Variants in NDC1 observed in about 807,000 individuals in gnomAD.
NDC1 encodes the protein NDC1 transmembrane nucleoporin, also known as nucleoporin NDC1.
NDC1 carries 24 observed loss-of-function variants against 89.8 expected under a neutral mutation model. That is an observed-to-expected ratio of 0.27 (90% confidence interval 0.19 to 0.38). The LOEUF (loss-of-function observed/expected upper bound fraction) is 0.38, where lower values mean the gene tolerates loss of function less well. Among genes scored for constraint, NDC1 ranks in the 10% least tolerant of loss-of-function variants. The probability of loss-of-function intolerance (pLI) is 1.00; values close to 1 mark genes in which losing one functional copy is unlikely to be tolerated. For synonymous variants in NDC1, 296 were observed against 284.8 expected, an observed-to-expected ratio of 1.04 and a Z score of -0.39; for missense variants, 728 against 797.6, an observed-to-expected ratio of 0.91 and a Z score of 1.05.
At chr1:53,830,937 A>C (rs1227786335) in intron 3 of NDC1, among the ~76,000 whole-genome samples, 2 of 148,454 alleles carry the variant, frequency 1.3e-5, no homozygotes, top group Admixed American at 6.7e-5. Flanking sequence ...AAAATAATAA[A>C]TAGGCCAAGC....
In NDC1 at chr1:53,766,529, A is replaced by G. The variant is rs1647067133; in HGVS notation, c.*1441T>C. On this transcript the variant is annotated 3_prime_UTR_variant, in exon 18 of 18. Coordinates refer to ENST00000371429, the MANE Select transcript of NDC1 (RefSeq NM_018087.5). ...AACCAAAACAAAAAAACAAATGGCA[A>G]TAGTCTACATATCTAAACACTTGAC... 1 of 152,212 alleles carries G rather than the reference A, an allele frequency of 6.6e-6. No individual in the cohort carries two copies. Among genetic ancestry groups the G allele is most frequent in the South Asian group, 2.1e-4 (1 of 4,834 alleles). The allele number at this position is 152,212 out of a possible 1,614,324, so 9.4% of individuals were successfully genotyped here.
At chr1:53,772,885 TA>T (rs1570152334) in intron 16 of NDC1, among the ~76,000 whole-genome samples, 1 of 152,128 alleles carries the variant, frequency 6.6e-6, no homozygotes, top group Non-Finnish European at 1.5e-5. Context: ...TTTCTTACTG[TA>T]GATCACAGTC....
At chr1:53,799,455 A>G (rs1647833905) in intron 11 of NDC1, among the ~76,000 whole-genome samples, 1 of 152,228 alleles carries the variant, frequency 6.6e-6, no homozygotes, top group Non-Finnish European at 1.5e-5. Flanking sequence ...CATTTTTCAT[A>G]TGTAATCTAT....
chr1:53,810,447 C>A (rs1467123053), intron 6 of NDC1, among the ~76,000 whole-genome samples: 38 of 144,008 alleles, frequency 2.6e-4, no homozygotes, highest in African/African-American at 9.5e-4. Flanking sequence ...AATCAAAGTG[C>A]AACAAAGAAA....
At chr1:53,809,897 G>A (rs1218503935) in intron 6 of NDC1, 151 bp from the exon 7 acceptor site, 1 of 628,002 alleles carries the variant, frequency 1.6e-6, no homozygotes, top group East Asian at 2.8e-5. Flanking sequence ...GGAAAAGACA[G>A]TACTTATTAA....
rs997621093 is a variant in NDC1, at chr1:53,828,595, A to T, written c.281-422T>A. Among the ~76,000 whole-genome samples the T allele has an allele frequency of 8.0e-5, 12 of 150,892 alleles. No individual in the cohort carries two copies. The East Asian group carries it at 2.1e-3, about 27-fold the overall frequency. On this transcript the variant is annotated intron_variant, in intron 3 of 17. Coordinates refer to ENST00000371429, the MANE Select transcript of NDC1 (RefSeq NM_018087.5). ...ATACTGACTTTTTATTTATTTATTT[A>T]TTTATTTTATTTTATTTTATTTTAT...
intron 2 of NDC1, among the ~76,000 whole-genome samples, chr1:53,834,043 A>G (rs1015715085): frequency 2.6e-5 from 4 of 152,112 alleles, no homozygotes; most frequent in African/African-American, 9.7e-5. Context: ...TCAGCCTCCC[A>G]AAGTGCTGGG....
intron 9 of NDC1, among the ~76,000 whole-genome samples, chr1:53,805,226 C>T (rs1648060160): frequency 1.3e-5 from 2 of 152,160 alleles, no homozygotes; most frequent in Admixed American, 1.3e-4. Context: ...CACTCTGCCA[C>T]CCAGGCTAAA....
chr1:53,828,053 A>G lies in NDC1; in HGVS notation c.401T>C (p.Val134Ala), dbSNP rs1648929473. ...AAAGCTGTACTGGCCCTGGGTTATC[A>G]CTGCAGCACACCAGGCCATCACCAT... ...MGMVMAWCAA[V>A]ITQGQYSFLV... Residue 134 changes from valine to alanine, a missense_variant, in exon 4 of 18, where the codon GTG (valine) becomes GCG (alanine). Physicochemically the swap from Val to Ala is moderately conservative, Grantham distance 64. Transcript: ENST00000371429. The G allele has an allele frequency of 6.2e-7, 1 of 1,613,960 alleles. No homozygotes were observed. The highest frequency in any genetic ancestry group is 8.5e-7 in the Non-Finnish European group (1 of 1,179,908).
At position 53,794,195 on chromosome 1, in the gene NDC1, C is replaced by T. The variant is rs183453676; in HGVS notation, c.1585-916G>A. Among the ~76,000 whole-genome samples the T allele has an allele frequency of 1.5e-3, 224 of 152,094 alleles. 1 individual carries two copies. Among genetic ancestry groups the T allele is most frequent in the African/African-American group, 5.2e-3 (215 of 41,484 alleles). On this transcript the variant is annotated intron_variant, in intron 13 of 17. Transcript: ENST00000371429. ...TTTGCCATGTTGCCCATGCTGGTCT[C>T]GAATTCCCGGGCTCAAGCAATGTTC...
intron 2 of NDC1, among the ~76,000 whole-genome samples, chr1:53,834,010 T>C (rs1027922321): frequency 2.6e-5 from 4 of 151,946 alleles, no homozygotes; most frequent in African/African-American, 9.7e-5. Flanking sequence ...CATAAACTCC[T>C]GAGCTCAGGC....
At chr1:53,820,391 A>G (rs1212423704) in intron 5 of NDC1, among the ~76,000 whole-genome samples, 1 of 152,170 alleles carries the variant, frequency 6.6e-6, no homozygotes, top group East Asian at 1.9e-4. Flanking sequence ...AGAAAAAAAA[A>G]TCGGGGAGTG....
chr1:53,788,041 C>G (rs771796122), intron 15 of NDC1, among the ~76,000 whole-genome samples: 59 of 152,104 alleles, frequency 3.9e-4, no homozygotes, highest in Non-Finnish European at 1.9e-4. Flanking sequence ...TAAAAACAAT[C>G]TATCTGTTGC....
chr1:53,838,265 G>A lies in NDC1; in HGVS notation c.-4C>T, dbSNP rs1385742995. The A allele has an allele frequency of 4.6e-6, 7 of 1,537,100 alleles. No homozygotes were observed. Among genetic ancestry groups the A allele is most frequent in the East Asian group, 4.9e-5 (2 of 40,794 alleles). ...GCCGGCTCACGGCCGTGGCCATGGA[G>A]ATGGCGGCCCCTAGTCTAGGGCGTA... On this transcript the variant is annotated 5_prime_UTR_variant, in exon 1 of 18. Transcript: ENST00000371429.
chr1:53,810,638 C>T (rs1309354842), intron 6 of NDC1, among the ~76,000 whole-genome samples: 1 of 152,192 alleles, frequency 6.6e-6, no homozygotes, highest in African/African-American at 2.4e-5. Context: ...AGCGTGATGG[C>T]TCATGCCTAT....
At chr1:53,787,700 G>A (rs1570172006) in intron 15 of NDC1, among the ~76,000 whole-genome samples, 1 of 142,510 alleles carries the variant, frequency 7.0e-6, no homozygotes, top group African/African-American at 2.8e-5. Flanking sequence ...TAAATAAAGG[G>A]AGGAGCAATT....
intron 5 of NDC1, among the ~76,000 whole-genome samples, 192 bp downstream of exon 5, chr1:53,825,606 C>T (rs1238454835): frequency 6.6e-6 from 1 of 152,162 alleles, no homozygotes; most frequent in Non-Finnish European, 1.5e-5. Flanking sequence ...AAGGTAGCTG[C>T]AACTCTCAAA....
At chr1:53,800,671 T>C (rs1203567044) in intron 11 of NDC1, 22 bp downstream of exon 11, 2 of 1,611,576 alleles carry the variant, frequency 1.2e-6, no homozygotes, top group Non-Finnish European at 1.7e-6. Context: ...TGTTTTCCCC[T>C]CTTAGTAGTC....
rs556040724 is a variant in NDC1, at chr1:53,765,737, A to C, written c.*2233T>G. ...ATAAGGGTCAAGCAAACATGCTAAG[A>C]GCTGATACCATCATGTTTTTATACT... On this transcript the variant is annotated 3_prime_UTR_variant, in exon 18 of 18. Transcript: ENST00000371429. 4 of 152,296 alleles carry C rather than the reference A, an allele frequency of 2.6e-5. No individual in the cohort carries two copies. The South Asian group carries it at 8.3e-4, about 32-fold the overall frequency. The allele number at this position is 152,296 out of a possible 1,614,324, so 9.4% of individuals were successfully genotyped here. A position where few individuals can be genotyped will look rare whatever the true frequency, so the allele number is the denominator to read the frequency against.
Sources: gnomAD v4.1 joint callset for allele counts (sites outside exome capture counted in the v4.1 genomes callset) on GRCh38, gnomAD v4.1.1 for gene constraint, MANE v1.5 for transcripts, NCBI Gene and HGNC (gene_info 2026-07-23, HGNC 2026-07-21) for gene names.